Variants in RBBP8 observed in about 807,000 individuals in gnomAD.
RBBP8 encodes DNA endonuclease RBBP8.
Under a neutral mutation model 108.3 loss-of-function variants are expected in RBBP8, and 88 were observed. The observed-to-expected ratio is 0.81, with a 90% CI of 0.68 to 0.97. RBBP8 has a LOEUF of 0.97. Ranked by LOEUF, RBBP8 falls within the 50% of genes least tolerant of loss-of-function variation. The pLI, the probability that RBBP8 is intolerant of heterozygous loss-of-function variation, is 0.00. For synonymous variants in RBBP8, 332 were observed against 348.2 expected, an observed-to-expected ratio of 0.95 and a Z score of 0.52; for missense variants, 1,023 against 1,049.0, an observed-to-expected ratio of 0.98 and a Z score of 0.34.
At chr18:22,968,197 C>T (rs777057042) in intron 4 of RBBP8, among the ~76,000 whole-genome samples, 16 of 151,878 alleles carry the variant, frequency 1.1e-4, no homozygotes, top group Non-Finnish European at 2.1e-4. Context: ...CTCAGCCTCC[C>T]GAGTAGCTGG....
chr18:22,957,887 G>A (rs891468457), intron 4 of RBBP8, among the ~76,000 whole-genome samples: 1 of 152,042 alleles, frequency 6.6e-6, no homozygotes, highest in African/African-American at 2.4e-5. Context: ...TAACCATCTA[G>A]CCAGTGATAT....
At chr18:23,023,380 T>C (rs1672785592) in intron 18 of RBBP8, among the ~76,000 whole-genome samples, 1 of 152,232 alleles carries the variant, frequency 6.6e-6, no homozygotes, top group Admixed American at 6.5e-5. Context: ...GTTAGGTTGT[T>C]GACATGCAAC....
At chr18:22,986,278 A>G (rs1915321152) in intron 8 of RBBP8, among the ~76,000 whole-genome samples, 1 of 152,206 alleles carries the variant, frequency 6.6e-6, no homozygotes, top group Non-Finnish European at 1.5e-5. Flanking sequence ...GAGGTGATCA[A>G]CTGTGTTTAA....
At chr18:22,943,007 G>T (rs1232222006) in intron 2 of RBBP8, among the ~76,000 whole-genome samples, 2 of 151,928 alleles carry the variant, frequency 1.3e-5, no homozygotes, top group Admixed American at 1.3e-4. Context: ...GGAAAGTTTG[G>T]GGGCTCTAAT....
chr18:22,922,190 T>C (rs1909620172), intron 3 of RBBP8, among the ~76,000 whole-genome samples: 2 of 152,146 alleles, frequency 1.3e-5, no homozygotes, highest in Non-Finnish European at 2.9e-5. Context: ...TTGTATAATA[T>C]GTAAACTTAG....
chr18:22,920,722 C>G (rs1326986802), intron 3 of RBBP8: 1 of 152,080 alleles, frequency 6.6e-6, no homozygotes, highest in Non-Finnish European at 1.5e-5. Flanking sequence ...AATAACCTAG[C>G]AATGTTTCTC....
chr18:22,975,498 A>G (rs961127510), intron 6 of RBBP8, among the ~76,000 whole-genome samples: 1 of 152,070 alleles, frequency 6.6e-6, no homozygotes, highest in African/African-American at 2.4e-5. Context: ...TATTTCAAAC[A>G]GATGTTTGAG....
chr18:22,946,514 GTTAT>G, intron 3 of RBBP8, 28 bp downstream of exon 3: 1 of 1,610,580 alleles, frequency 6.2e-7, no homozygotes, highest in Non-Finnish European at 8.5e-7. Flanking sequence ...ATACTCATGT[GTTAT>G]TTATAGAGTA....
intron 17 of RBBP8, among the ~76,000 whole-genome samples, chr18:23,020,292 A>G (rs1329070964): frequency 2.6e-5 from 4 of 151,972 alleles, no homozygotes; most frequent in South Asian, 2.1e-4. Context: ...GTGGTGGTGC[A>G]TGCCTGTTAT....
chr18:22,940,357 G>A (rs1910977491), intron 2 of RBBP8, among the ~76,000 whole-genome samples: 1 of 133,226 alleles, frequency 7.5e-6, no homozygotes, highest in Non-Finnish European at 1.6e-5. Context: ...GTCTTGCTCT[G>A]TAGCCCAGGC....
intron 6 of RBBP8, among the ~76,000 whole-genome samples, chr18:22,979,920 C>T (rs952550830): frequency 2.0e-5 from 3 of 152,130 alleles, no homozygotes; most frequent in African/African-American, 7.2e-5. Flanking sequence ...CCTCTTAGAA[C>T]TTATATTCTA....
intron 14 of RBBP8, among the ~76,000 whole-genome samples, chr18:22,999,823 ACTCT>A (rs1416086446): frequency 6.6e-6 from 1 of 152,162 alleles, no homozygotes; most frequent in African/African-American, 2.4e-5. Flanking sequence ...ACAAGGATAT[ACTCT>A]CTGTCTTCAG....
chr18:22,962,951 C>CT (rs546468791), intron 4 of RBBP8, among the ~76,000 whole-genome samples: 15 of 151,910 alleles, frequency 9.9e-5, no homozygotes, highest in Middle Eastern at 3.4e-3. Flanking sequence ...TTTACTTTCC[C>CT]TTTTTTTTGT....
chr18:22,994,653 A>G (rs1267375673), intron 12 of RBBP8, among the ~76,000 whole-genome samples: 1 of 151,242 alleles, frequency 6.6e-6, no homozygotes, highest in Non-Finnish European at 1.5e-5. Context: ...TCTCAAAAAA[A>G]AAAAAGAAAA....
At chr18:22,955,833 G>T (rs900731972) in intron 4 of RBBP8, among the ~76,000 whole-genome samples, 9 of 152,122 alleles carry the variant, frequency 5.9e-5, no homozygotes, top group African/African-American at 2.2e-4. Context: ...GCCCACCTGG[G>T]CCTCCCAAAG....
At chr18:23,022,070 A>C in intron 17 of RBBP8, 59 bp from the exon 18 acceptor site, 1 of 1,372,106 alleles carries the variant, frequency 7.3e-7, no homozygotes, top group Non-Finnish European at 1.0e-6. Context: ...TGTAATCAAT[A>C]AGCATAACAC....
intron 16 of RBBP8, among the ~76,000 whole-genome samples, chr18:23,011,623 T>A (rs2046163598): frequency 6.6e-6 from 1 of 151,970 alleles, no homozygotes; most frequent in South Asian, 2.1e-4. Flanking sequence ...GTTTTTTTAG[T>A]AGAGATGGGG....
intron 14 of RBBP8, among the ~76,000 whole-genome samples, chr18:23,000,412 G>T (rs190076746): frequency 1.6e-3 from 249 of 152,258 alleles, no homozygotes; most frequent in African/African-American, 5.6e-3. Flanking sequence ...TAATGAAGAT[G>T]AAAGAAAATA....
chr18:22,946,222 G>A, intron 2 of RBBP8: 1 of 491,994 alleles, frequency 2.0e-6, no homozygotes, highest in Non-Finnish European at 3.5e-6. Context: ...ACTTACTTTA[G>A]ATGGGGAAAA....
Sources: allele counts gnomAD v4.1 joint callset (sites outside exome capture counted in the v4.1 genomes callset), GRCh38; gene constraint gnomAD v4.1.1; transcripts MANE v1.5; gene names NCBI Gene and HGNC (gene_info 2026-07-23, HGNC 2026-07-21).